SLC3A1: variants seen among roughly 807,000 people sequenced by gnomAD.
SLC3A1 encodes the protein solute carrier family 3 member 1, also known as amino acid transporter heavy chain SLC3A1.
In SLC3A1, 78 loss-of-function variants were observed where a neutral mutation model predicts 60.3. The ratio of observed to expected loss-of-function variants is 1.29; its 90% CI spans 1.08 to 1.56. SLC3A1 has a LOEUF of 1.56. Ranked by LOEUF, SLC3A1 falls within the 40% of genes most tolerant of loss-of-function variation. The pLI, the probability that SLC3A1 is intolerant of heterozygous loss-of-function variation, is 0.00. For missense variants in SLC3A1, 1,172 were observed against 858.9 expected (o/e 1.36, Z -4.56); for synonymous variants, 392 against 307.9 (o/e 1.27, Z -2.86).
rs576927706 is a variant in SLC3A1 at position 44,275,608 on chromosome 2, G to C, written c.73G>C (p.Val25Leu). Residue 25 changes from valine to leucine, a missense_variant, in exon 1 of 10, where the codon GTC becomes CTC. Physicochemically the swap from Val to Leu is conservative, Grantham distance 32. Coordinates refer to ENST00000260649, the MANE Select transcript of SLC3A1 (RefSeq NM_000341.4). ...MKGCQTNNGF[V>L]HNEDILEQTP... ...GGGATGCCAGACAAACAACGGGTTT[G>C]TCCATAATGAAGACATTCTGGAGCA... 3.7e-6 allele frequency: 6 copies of C among 1,614,110 alleles called. No individual in the cohort carries two copies. The South Asian group carries it at 6.6e-5, about 18-fold the overall frequency.
At chr2:44,316,185 G>C (rs1672444269) in intron 9 of SLC3A1, 1 of 152,124 alleles carries the variant, frequency 6.6e-6, no homozygotes, top group South Asian at 2.1e-4. Flanking sequence ...CAGCATCTGA[G>C]AAAAACCAAG....
At chr2:44,302,549 T>G (rs1672040820) in intron 6 of SLC3A1, among the ~76,000 whole-genome samples, 2 of 152,210 alleles carry the variant, frequency 1.3e-5, no homozygotes, top group Non-Finnish European at 2.9e-5. Flanking sequence ...GGATTTGAAC[T>G]GAAGCAGTTG....
At chr2:44,308,449 T>C (rs1371350675) in intron 7 of SLC3A1, among the ~76,000 whole-genome samples, 2 of 152,234 alleles carry the variant, frequency 1.3e-5, no homozygotes, top group South Asian at 2.1e-4. Context: ...CCATCTTGTC[T>C]TCTAATCCAT....
chr2:44,316,661 C>T (rs1053533614), intron 9 of SLC3A1, among the ~76,000 whole-genome samples: 1 of 152,098 alleles, frequency 6.6e-6, no homozygotes, highest in Non-Finnish European at 1.5e-5. Flanking sequence ...AGAAAGAAAC[C>T]AAACCTGAAA....
At chr2:44,281,578 A>G in intron 3 of SLC3A1, 37 bp downstream of exon 3, 3 of 1,600,120 alleles carry the variant, frequency 1.9e-6, no homozygotes, top group Non-Finnish European at 2.6e-6. Context: ...AAGGGGTAAA[A>G]GGCAGATATG....
chr2:44,288,861 G>T lies in SLC3A1; in HGVS notation c.891+2704G>T, dbSNP rs147786655. On this transcript the variant is annotated intron_variant, in intron 4 of 9. Coordinates refer to ENST00000260649, the MANE Select transcript of SLC3A1 (RefSeq NM_000341.4). ...ATTTATTTATTTTTTTTGAGATAGA[G>T]TTTCACTCTGTCACCCAGGCTGGAG... Among the ~76,000 whole-genome samples the T allele has an allele frequency of 1.5e-4, 23 of 152,104 alleles. No individual in the cohort carries two copies. The East Asian group carries it at 4.1e-3, about 27-fold the overall frequency.
At chr2:44,321,618 T>C, downstream of SLC3A1, 5 of 1,480,504 alleles carry the variant, frequency 3.4e-6, no homozygotes, top group Non-Finnish European at 4.5e-6. Context: ...GATTAAATTA[T>C]TTTCTTTAAC....
chr2:44,290,122 A>C (rs1409991647), intron 4 of SLC3A1, among the ~76,000 whole-genome samples: 1 of 98,036 alleles, frequency 1.0e-5, no homozygotes, highest in African/African-American at 4.6e-5. Context: ...AAGCTGTCCG[A>C]CTTTTTTTTT....
At chr2:44,306,185 C>T (rs1425991654) in intron 7 of SLC3A1, among the ~76,000 whole-genome samples, 4 of 152,160 alleles carry the variant, frequency 2.6e-5, no homozygotes, top group African/African-American at 7.2e-5. Context: ...GTTGTACCCC[C>T]ACAATACCTG....
intron 4 of SLC3A1, 112 bp downstream of exon 4, chr2:44,286,269 T>C: frequency 1.0e-6 from 1 of 990,608 alleles, no homozygotes; most frequent in East Asian, 2.4e-5. Flanking sequence ...TTTAATTATT[T>C]GAAATACTCT....
Position 44,312,614 on chromosome 2 carries a change from C to T in SLC3A1, c.1361C>T (p.Thr454Ile). The change falls in exon 8 of 10, where the codon ACT becomes ATT. Residue 454 changes from threonine to isoleucine, a missense_variant. Transcript: ENST00000260649. ...MIGGPDSSRLTSRLGNQYVNV... is the reference protein window; with the variant it reads ...MIGGPDSSRLISRLGNQYVNV... ...GGTGGACCAGACAGTTCACGGCTGA[C>T]TTCGCGTTTGGGGAATCAGTATGTC... 1 of 1,613,978 alleles carries T rather than the reference C, an allele frequency of 6.2e-7. No individual in the cohort carries two copies. The highest frequency in any genetic ancestry group is 8.5e-7 in the Non-Finnish European group (1 of 1,179,892).
intron 4 of SLC3A1, 120 bp downstream of exon 4, chr2:44,286,277 T>C: frequency 1.1e-6 from 1 of 943,914 alleles, no homozygotes; most frequent in Non-Finnish European, 1.7e-6. Context: ...TTTGAAATAC[T>C]CTATAGTTAT....
chr2:44,319,525 C>T (rs1289437424), intron 9 of SLC3A1: 2 of 152,202 alleles, frequency 1.3e-5, no homozygotes, highest in East Asian at 3.8e-4. Flanking sequence ...TAGTCAATAA[C>T]AGAAAATGCT....
intron 7 of SLC3A1, among the ~76,000 whole-genome samples, chr2:44,305,110 C>T (rs1000951478): frequency 6.6e-6 from 1 of 152,124 alleles, no homozygotes; most frequent in African/African-American, 2.4e-5. Context: ...GCTGGGAATA[C>T]AGGCATGAGC....
Position 44,301,099 on chromosome 2 carries a change from C to T in SLC3A1, c.1108C>T (p.Gln370Ter), listed in dbSNP as rs1671994225. 6.2e-7 allele frequency: 1 copy of T among 1,613,734 alleles called. No individual in the cohort carries two copies. The highest frequency in any genetic ancestry group is 8.5e-7 in the Non-Finnish European group (1 of 1,180,000). Residue 370 changes from glutamine (Q) to a stop codon, truncating the protein, a stop_gained, in exon 6 of 10, where the codon CAA (glutamine) becomes TAA (stop). Coordinates refer to ENST00000260649, the MANE Select transcript of SLC3A1 (RefSeq NM_000341.4). LOFTEE classifies it high-confidence loss of function. ...IVRSFRQTMD[Q>*]YSTEPGRYRF... The stretch of plus-strand genomic sequence containing the variant: ...CCGCAGCTTCCGGCAGACCATGGAC[C>T]AATACAGCACGGAGCCCGGCAGATA...
intron 4 of SLC3A1, among the ~76,000 whole-genome samples, chr2:44,290,788 A>G (rs896244274): frequency 6.7e-6 from 1 of 149,228 alleles, no homozygotes; most frequent in Non-Finnish European, 1.5e-5. Context: ...CCTTGCCTCC[A>G]TGGGGTTGTG....
At chr2:44,305,338 C>G (rs1357389209) in intron 7 of SLC3A1, among the ~76,000 whole-genome samples, 1 of 152,012 alleles carries the variant, frequency 6.6e-6, no homozygotes, top group Non-Finnish European at 1.5e-5. Flanking sequence ...TAGATGTAAG[C>G]CCTGCTGCTT....
chr2:44,281,429 A>T lies in SLC3A1; in HGVS notation c.653A>T (p.Asp218Val), dbSNP rs1216497016. The change falls in exon 3 of 10, where the codon GAT (aspartate) becomes GTT (valine). Residue 218 changes from aspartate (D) to valine (V), a missense_variant. Transcript: ENST00000260649. Reference sequence around the variant, plus strand: ...GATTTCATACCAAACCACACGAGTGATAAACATATTTGGTTTCAATTGAGT... The same window carrying T: ...GATTTCATACCAAACCACACGAGTGTTAAACATATTTGGTTTCAATTGAGT... ...IIDFIPNHTS[D>V]KHIWFQLSRT... 6.2e-7 allele frequency: 1 copy of T among 1,613,414 alleles called. No homozygotes were observed. The highest frequency in any genetic ancestry group is 1.6e-4 in the Middle Eastern group (1 of 6,062).
At chr2:44,283,472 G>C (rs1671545540) in intron 3 of SLC3A1, among the ~76,000 whole-genome samples, 1 of 152,208 alleles carries the variant, frequency 6.6e-6, no homozygotes, top group Non-Finnish European at 1.5e-5. Context: ...ATAATCCTAT[G>C]AGTCTGGTGT....
Sources: allele counts gnomAD v4.1 joint callset (sites outside exome capture counted in the v4.1 genomes callset), GRCh38; gene constraint gnomAD v4.1.1; transcripts MANE v1.5; gene names NCBI Gene and HGNC (gene_info 2026-07-23, HGNC 2026-07-21).